CACNA1G: variants seen among roughly 807,000 people sequenced by gnomAD.
CACNA1G encodes the protein voltage-dependent T-type calcium channel subunit alpha-1G.
CACNA1G carries 67 observed loss-of-function variants against 219.4 expected under a neutral mutation model. The observed-to-expected ratio is 0.31, with a 90% CI of 0.25 to 0.37. The LOEUF (loss-of-function observed/expected upper bound fraction) is 0.37. Among genes scored for constraint, CACNA1G ranks in the 10% least tolerant of loss-of-function variants. The pLI is 1.00. For missense variants in CACNA1G, 2,380 were observed against 3,231.4 expected (o/e 0.74, Z 6.39); for synonymous variants, 1,296 against 1,345.3 (o/e 0.96, Z 0.80).
At position 50,571,710 on chromosome 17, in the gene CACNA1G, G is replaced by A. The variant is rs563810069; in HGVS notation, c.587-168G>A. Reference sequence around the variant, plus strand: ...AAGTGGGTCGGGGCAAGGGGCTGCAGAGGCTATCTGGGGAGTCAGAGGTGT... The same window carrying A: ...AAGTGGGTCGGGGCAAGGGGCTGCAAAGGCTATCTGGGGAGTCAGAGGTGT... On this transcript the variant is annotated intron_variant, in intron 4 of 37. Transcript: ENST00000359106. This position sits in a 1 kb window ranked among gnomAD's most constrained non-coding sequence, Gnocchi z 4.3. Among the ~76,000 whole-genome samples the A allele has an allele frequency of 1.1e-4, 17 of 152,330 alleles. No homozygotes were observed. Among genetic ancestry groups the A allele is most frequent in the African/African-American group, 4.1e-4 (17 of 41,570 alleles).
rs1159315179 is a variant in CACNA1G at position 50,621,651 on chromosome 17, C to T, written c.5926-9C>T. ...TTTCTCATGCCTGATCATCTCTCTC[C>T]CTGTCTAGATCCCTCTAGCTGAGAT... On this transcript the variant is annotated splice_polypyrimidine_tract_variant and intron_variant, in intron 34 of 37. Transcript: ENST00000359106. The surrounding 1 kb of genome is among the most constrained non-coding windows in gnomAD (Gnocchi z 4.6). The T allele has an allele frequency of 3.1e-6, 5 of 1,613,444 alleles. No homozygotes were observed. In the African/African-American group the frequency reaches 6.7e-5, roughly 22 times the overall value.
intron 7 of CACNA1G, among the ~76,000 whole-genome samples, chr17:50,574,931 A>AG (rs1288159871): frequency 3.3e-5 from 5 of 151,916 alleles, no homozygotes; most frequent in Non-Finnish European, 5.9e-5. Flanking sequence ...CATCTGAGGG[A>AG]GGGGGGCACA....
intron 9 of CACNA1G, among the ~76,000 whole-genome samples, chr17:50,588,589 A>G (rs1208877655): frequency 2.0e-5 from 3 of 152,170 alleles, no homozygotes; most frequent in African/African-American, 7.2e-5. Context: ...CGCCGGAGAC[A>G]CTAATGGCCC....
At position 50,606,048 on chromosome 17, in the gene CACNA1G, G is replaced by A. The variant is rs60854730; in HGVS notation, c.4422+25G>A. 1.9e-4 allele frequency: 307 copies of A among 1,613,774 alleles called. No individual in the cohort carries two copies. The highest frequency in any genetic ancestry group is 6.6e-4 in the Middle Eastern group (4 of 6,082). On this transcript the variant is annotated intron_variant, in intron 23 of 37. Coordinates refer to ENST00000359106, the MANE Select transcript of CACNA1G (RefSeq NM_018896.5). Reference sequence around the variant, plus strand: ...GGTGAGCCCCAGGCTCAGAGGTGGGGCTGTGGTGAAGGAGGCTGGAGGGGG... The same window carrying A: ...GGTGAGCCCCAGGCTCAGAGGTGGGACTGTGGTGAAGGAGGCTGGAGGGGG...
At chr17:50,607,026 A>C in intron 24 of CACNA1G, 37 bp downstream of exon 24, 2 of 1,496,338 alleles carry the variant, frequency 1.3e-6, no homozygotes, top group Non-Finnish European at 1.9e-6. Context: ...CTGTGGGCTC[A>C]GGTCACTCAG....
chr17:50,593,579 C>T (rs1216391093), intron 13 of CACNA1G, among the ~76,000 whole-genome samples: 1 of 152,228 alleles, frequency 6.6e-6, no homozygotes, highest in Non-Finnish European at 1.5e-5. Flanking sequence ...TGGGAATGAG[C>T]GCAGCCTGGC....
At chr17:50,598,179 C>T (rs2045939784) in intron 16 of CACNA1G, among the ~76,000 whole-genome samples, 1 of 152,228 alleles carries the variant, frequency 6.6e-6, no homozygotes, top group African/African-American at 2.4e-5. Flanking sequence ...AGGCATGTGC[C>T]ACCATGTCCG....
At chr17:50,607,163 C>T (rs1388631061) in intron 24 of CACNA1G, 174 bp downstream of exon 24, 2 of 681,560 alleles carry the variant, frequency 2.9e-6, no homozygotes, top group African/African-American at 3.5e-5. Flanking sequence ...TTTTATTGGT[C>T]TACAACATGT....
At chr17:50,612,808 C>T (rs190191696) in intron 26 of CACNA1G, among the ~76,000 whole-genome samples, 1 of 152,336 alleles carries the variant, frequency 6.6e-6, no homozygotes, top group Non-Finnish European at 1.5e-5. Context: ...CTGGTATTTT[C>T]TCCACCTAAG....
intron 9 of CACNA1G, 40 bp from the exon 10 acceptor site, chr17:50,590,431 G>A: frequency 1.9e-6 from 3 of 1,611,234 alleles, no homozygotes; most frequent in Non-Finnish European, 2.5e-6. Context: ...GAGGGGCTCA[G>A]TGATAAGCCA....
chr17:50,579,641 C>T (rs1009269522), intron 9 of CACNA1G, among the ~76,000 whole-genome samples: 8 of 152,164 alleles, frequency 5.3e-5, no homozygotes, highest in African/African-American at 1.7e-4. Flanking sequence ...CCTGGGTGTT[C>T]TGGCCTCCCT....
chr17:50,601,927 G>A (rs756551455), intron 19 of CACNA1G, among the ~76,000 whole-genome samples: 9 of 152,128 alleles, frequency 5.9e-5, no homozygotes, highest in African/African-American at 1.4e-4. Flanking sequence ...AGATTTCAGC[G>A]CTGCTGGGGC....
chr17:50,597,946 C>T (rs936990684), intron 16 of CACNA1G, among the ~76,000 whole-genome samples: 34 of 152,210 alleles, frequency 2.2e-4, no homozygotes, highest in African/African-American at 8.2e-4. Context: ...TAATATCCTC[C>T]AGTTCATCCA....
At chr17:50,579,218 AG>A (rs766264448) in intron 9 of CACNA1G, among the ~76,000 whole-genome samples, 3 of 152,132 alleles carry the variant, frequency 2.0e-5, no homozygotes, top group East Asian at 1.9e-4. Flanking sequence ...TTTAGTTAGG[AG>A]GAGCAAGGGC....
At chr17:50,589,946 G>A (rs1052586824) in intron 9 of CACNA1G, among the ~76,000 whole-genome samples, 29 of 151,164 alleles carry the variant, frequency 1.9e-4, no homozygotes, top group Non-Finnish European at 3.5e-4. Context: ...GTGTGTGTGT[G>A]TGTCTGGAAG....
Position 50,561,172 on chromosome 17 carries a change from C to G in CACNA1G, c.-288C>G, listed in dbSNP as rs1398539935. On this transcript the variant is annotated 5_prime_UTR_variant, in exon 1 of 38. Coordinates refer to ENST00000359106, the MANE Select transcript of CACNA1G (RefSeq NM_018896.5). ...GAGCCTGGGCGCGAAGCGAAGAAGC[C>G]GGAACAAAGTGAGGGGGAGCCGGCC... is the stretch of plus-strand genomic sequence containing the variant. The G allele has an allele frequency of 1.8e-5, 10 of 564,256 alleles. No homozygotes were observed. The highest frequency in any genetic ancestry group is 1.7e-4 in the South Asian group (10 of 59,258). 35.0% of individuals were successfully genotyped at this position (564,256 alleles called of 1,614,324 possible). A position where few individuals can be genotyped will look rare whatever the true frequency, so the allele number is the denominator to read the frequency against.
chr17:50,627,300 G>A lies in CACNA1G; in HGVS notation c.*549G>A. 1 of 430,660 alleles carries A rather than the reference G, an allele frequency of 2.3e-6. No homozygotes were observed. Among genetic ancestry groups the A allele is most frequent in the Non-Finnish European group, 4.7e-6 (1 of 213,514 alleles). 26.7% of individuals were successfully genotyped at this position (430,660 alleles called of 1,614,324 possible). On this transcript the variant is annotated 3_prime_UTR_variant, in exon 38 of 38. Transcript: ENST00000359106. ...GAGAGCGAGAACCATTTTGGAAACT[G>A]TAATGTAACTTATTTTTTCCTTTAA...
intron 7 of CACNA1G, among the ~76,000 whole-genome samples, chr17:50,574,210 C>T (rs1176389442): frequency 4.6e-5 from 7 of 152,176 alleles, no homozygotes; most frequent in South Asian, 2.1e-4. Context: ...CCCAGGCTAA[C>T]GACTCCACAT....
chr17:50,564,507 G>C lies in CACNA1G; in HGVS notation c.242+2806G>C, dbSNP rs1456261654. 2.7e-5 allele frequency among the ~76,000 whole-genome samples: 4 copies of C among 146,214 alleles called. No homozygotes were observed. The East Asian group carries it at 6.3e-4, about 23-fold the overall frequency. ...GGGAGAGGGGAGCCTGCCAGGAGTCGGGGGAGGAGAGGGGGGGGAGGCCTG... is the reference window on the plus strand; with the variant it reads ...GGGAGAGGGGAGCCTGCCAGGAGTCCGGGGAGGAGAGGGGGGGGAGGCCTG... On this transcript the variant is annotated intron_variant, in intron 1 of 37. Coordinates refer to ENST00000359106, the MANE Select transcript of CACNA1G (RefSeq NM_018896.5).
Sources: gnomAD v4.1 joint callset for allele counts (sites outside exome capture counted in the v4.1 genomes callset) on GRCh38, gnomAD v4.1.1 for gene constraint, Gnocchi (gnomAD v3.1) non-coding constraint, MANE v1.5 for transcripts, NCBI Gene and HGNC (gene_info 2026-07-23, HGNC 2026-07-21) for gene names.